Variants in ABI3BP observed in about 807,000 individuals in gnomAD.
ABI3BP encodes the protein target of Nesh-SH3.
ABI3BP carries 216 observed loss-of-function variants against 268.6 expected under a neutral mutation model. That is an observed-to-expected ratio of 0.80 (90% CI 0.72 to 0.90). The LOEUF (loss-of-function observed/expected upper bound fraction) is 0.90. Ranked by LOEUF, ABI3BP falls within the 40% of genes least tolerant of loss-of-function variation. ABI3BP has a pLI of 0.00. For synonymous variants in ABI3BP, 730 were observed against 730.0 expected, an observed-to-expected ratio of 1.00 and a Z score of 0.00; for missense variants, 2,090 against 2,182.4, an observed-to-expected ratio of 0.96 and a Z score of 0.84.
chr3:100,916,204 G>T (rs2058572013), intron 2 of ABI3BP, among the ~76,000 whole-genome samples: 1 of 152,326 alleles, frequency 6.6e-6, no homozygotes, highest in East Asian at 1.9e-4. Context: ...TACAGGAAGT[G>T]TGTCTGGATA....
intron 1 of ABI3BP, among the ~76,000 whole-genome samples, chr3:100,975,132 A>G (rs1230178538): frequency 1.3e-5 from 2 of 152,214 alleles, no homozygotes; most frequent in African/African-American, 4.8e-5. Flanking sequence ...TAGTAATAGT[A>G]TAGGGATTTT....
intron 1 of ABI3BP, among the ~76,000 whole-genome samples, chr3:100,935,703 A>G (rs1239869091): frequency 6.6e-6 from 1 of 152,000 alleles, no homozygotes; most frequent in Admixed American, 6.6e-5. Context: ...CATCCCTTGT[A>G]AGTTGGATTC....
intron 63 of ABI3BP, among the ~76,000 whole-genome samples, chr3:100,755,469 AC>A (rs1465939632): frequency 5.9e-5 from 9 of 152,204 alleles, no homozygotes; most frequent in African/African-American, 2.2e-4. Flanking sequence ...ATGTTGCCTT[AC>A]AAAGAGCAGG....
Position 100,808,137 on chromosome 3 carries a change from C to A in ABI3BP, c.3682+24G>T. ...CCCCACTAACCTCAAACTTTTCAAG[C>A]TAAAATGTAAAATATATATTTACCT... is the stretch of plus-strand genomic sequence containing the variant. On this transcript the variant is annotated intron_variant, in intron 50 of 67. Transcript: ENST00000471714. 5.0e-6 allele frequency: 8 copies of A among 1,602,134 alleles called. No individual in the cohort carries two copies. In the South Asian group the frequency reaches 8.9e-5, roughly 18 times the overall value.
intron 3 of ABI3BP, among the ~76,000 whole-genome samples, chr3:100,899,352 A>G (rs930813783): frequency 9.2e-5 from 14 of 152,344 alleles, no homozygotes; most frequent in African/African-American, 3.4e-4. Flanking sequence ...AGACAAGAAA[A>G]TAAACCTTAT....
At position 100,834,791 on chromosome 3, in the gene ABI3BP, G is replaced by T. The variant is rs1223829266; in HGVS notation, c.2192-18C>A. On this transcript the variant is annotated intron_variant, in intron 28 of 67. Transcript: ENST00000471714. ...TTTTGGAGCTAAAGAAAGGAAACTG[G>T]TTATTGTAGTCATATGACTCCAGAA... The T allele has an allele frequency of 2.6e-6, 4 of 1,533,966 alleles. No individual in the cohort carries two copies. Among genetic ancestry groups the T allele is most frequent in the Non-Finnish European group, 2.6e-6 (3 of 1,145,212 alleles).
At chr3:100,926,254 C>G in intron 2 of ABI3BP, 48 bp downstream of exon 2, 2 of 1,588,144 alleles carry the variant, frequency 1.3e-6, no homozygotes, top group Non-Finnish European at 1.7e-6. Flanking sequence ...TTACACCCCC[C>G]CACCTCTTAC....
intron 4 of ABI3BP, 36 bp downstream of exon 4, chr3:100,898,726 T>C (rs72928367): frequency 1.9e-6 from 3 of 1,596,638 alleles, no homozygotes; most frequent in Admixed American, 3.4e-5. Context: ...TTCTAAAGCA[T>C]GTACAGATGC....
intron 55 of ABI3BP, among the ~76,000 whole-genome samples, chr3:100,790,081 A>G (rs577243988): frequency 1.3e-5 from 2 of 152,152 alleles, no homozygotes; most frequent in East Asian, 3.9e-4. Context: ...ATGACAGAAA[A>G]TGACATCTGG....
At chr3:100,842,647 C>T (rs1357935043) in intron 20 of ABI3BP, among the ~76,000 whole-genome samples, 2 of 152,116 alleles carry the variant, frequency 1.3e-5, no homozygotes, top group African/African-American at 4.8e-5. Flanking sequence ...TCTCAGATTT[C>T]ATAAGATGCT....
chr3:100,764,755 C>T (rs1435608927), intron 63 of ABI3BP, among the ~76,000 whole-genome samples: 1 of 152,220 alleles, frequency 6.6e-6, no homozygotes, highest in African/African-American at 2.4e-5. Flanking sequence ...GCAAAACAGA[C>T]TTTCTCCCCC....
chr3:100,835,587 TAA>T lies in ABI3BP; in HGVS notation c.2191+12_2191+13del. ...CAGAAAAAACTCATACTTAAAGACA[TAA>T]GAGGTCATTACCTAATGTTGTCACT... is the stretch of plus-strand genomic sequence containing the variant. On this transcript the variant is annotated intron_variant, in intron 28 of 67. Coordinates refer to ENST00000471714, the MANE Select transcript of ABI3BP (RefSeq NM_001375547.2). The T allele has an allele frequency of 6.5e-7, 1 of 1,528,392 alleles. No individual in the cohort carries two copies. Among genetic ancestry groups the T allele is most frequent in the Non-Finnish European group, 8.8e-7 (1 of 1,140,690 alleles). 94.7% of individuals were successfully genotyped at this position (1,528,392 alleles called of 1,614,324 possible).
chr3:100,822,700 C>T (rs763313891), intron 37 of ABI3BP, 28 bp from the exon 38 acceptor site: 2 of 1,516,472 alleles, frequency 1.3e-6, no homozygotes, highest in South Asian at 2.4e-5. Context: ...TGGGTTACAA[C>T]ATAACTGCAT....
At chr3:100,938,979 G>T (rs947496819) in intron 1 of ABI3BP, among the ~76,000 whole-genome samples, 4 of 152,040 alleles carry the variant, frequency 2.6e-5, no homozygotes, top group Admixed American at 2.0e-4. Context: ...ATGTGTGTGT[G>T]CCAAATTGTA....
At chr3:100,895,748 C>A (rs549391242) in intron 4 of ABI3BP, among the ~76,000 whole-genome samples, 24 of 152,292 alleles carry the variant, frequency 1.6e-4, no homozygotes, top group African/African-American at 5.1e-4. Flanking sequence ...ATTGCTTATG[C>A]TAACCTACTG....
At chr3:100,817,323 CAGA>C (rs751302508) in intron 42 of ABI3BP, 110 bp downstream of exon 42, 1 of 672,006 alleles carries the variant, frequency 1.5e-6, no homozygotes, top group Non-Finnish European at 2.4e-6. Flanking sequence ...TGAAGGATAG[CAGA>C]AGATGACAAG....
chr3:100,771,050 A>T (rs2096530449), intron 61 of ABI3BP, 98 bp from the exon 62 acceptor site: 4 of 1,094,104 alleles, frequency 3.7e-6, no homozygotes, highest in Admixed American at 6.6e-5. Context: ...TTGGTCTCAT[A>T]TTATAAGCGG....
chr3:100,853,805 C>G (rs1244644460), intron 14 of ABI3BP, among the ~76,000 whole-genome samples: 1 of 152,202 alleles, frequency 6.6e-6, no homozygotes, highest in Non-Finnish European at 1.5e-5. Flanking sequence ...TGGCTCAAAT[C>G]TGGAAGTTCC....
intron 4 of ABI3BP, among the ~76,000 whole-genome samples, chr3:100,894,974 AAAAAAACACAAGATGAGAATGTT>A: frequency 6.7e-6 from 1 of 149,240 alleles, no homozygotes; most frequent in Non-Finnish European, 1.5e-5. Flanking sequence ...AAAACAGAAA[AAAAAAACACAAGATGAGAATGTT>A]AGAAAATGCG....
Sources: gnomAD v4.1 joint callset for allele counts (sites outside exome capture counted in the v4.1 genomes callset) on GRCh38, gnomAD v4.1.1 for gene constraint, MANE v1.5 for transcripts, NCBI Gene and HGNC (gene_info 2026-07-23, HGNC 2026-07-21) for gene names.